Variants in SLC4A10 observed in about 807,000 individuals in gnomAD.
SLC4A10 encodes the protein sodium-driven chloride bicarbonate exchanger.
A neutral mutation model predicts 137.7 loss-of-function variants in SLC4A10; 42 were observed. The observed-to-expected ratio is 0.30, with a 90% CI of 0.24 to 0.39. The LOEUF (loss-of-function observed/expected upper bound fraction) is 0.39. Among genes scored for constraint, SLC4A10 ranks in the 10% least tolerant of loss-of-function variants. The pLI, the probability that SLC4A10 is intolerant of heterozygous loss-of-function variation, is 1.00. For missense variants in SLC4A10, 925 were observed against 1,355.0 expected, an observed-to-expected ratio of 0.68 and a Z score of 4.98; for synonymous variants, 474 against 464.1, an observed-to-expected ratio of 1.02 and a Z score of -0.27.
chr2:161,929,147 A>AT (rs968762690), intron 15 of SLC4A10, among the ~76,000 whole-genome samples: 3 of 152,230 alleles, frequency 2.0e-5, no homozygotes, highest in Non-Finnish European at 2.9e-5. Context: ...CCAAAAAAAA[A>AT]GGATGTTTGC....
intron 1 of SLC4A10, among the ~76,000 whole-genome samples, chr2:161,667,246 G>A (rs1390637756): frequency 6.6e-6 from 1 of 151,544 alleles, no homozygotes; most frequent in Non-Finnish European, 1.5e-5. Flanking sequence ...TGAATAAATT[G>A]CCTAATTTTA....
chr2:161,856,638 A>T (rs911769255), intron 5 of SLC4A10, among the ~76,000 whole-genome samples: 2 of 152,168 alleles, frequency 1.3e-5, no homozygotes, highest in African/African-American at 4.8e-5. Flanking sequence ...TTAGCTATCC[A>T]GCTCAATTTC....
chr2:161,964,105 A>G, intron 21 of SLC4A10, 30 bp from the exon 22 acceptor site: 2 of 1,546,498 alleles, frequency 1.3e-6, no homozygotes, highest in South Asian at 1.2e-5. Context: ...TCTTACACCT[A>G]AAAACAATTT....
intron 11 of SLC4A10, among the ~76,000 whole-genome samples, chr2:161,896,545 G>C (rs2063525481): frequency 6.6e-6 from 1 of 152,046 alleles, no homozygotes; most frequent in Non-Finnish European, 1.5e-5. Flanking sequence ...TCCTATCCAT[G>C]AGAGAATAAA....
At chr2:161,981,043 A>G (rs1357360979) in intron 26 of SLC4A10, among the ~76,000 whole-genome samples, 1 of 152,220 alleles carries the variant, frequency 6.6e-6, no homozygotes, top group African/African-American at 2.4e-5. Flanking sequence ...TACCAAAACT[A>G]TGGTTATGAT....
intron 1 of SLC4A10, among the ~76,000 whole-genome samples, chr2:161,699,273 G>C (rs2042888003): frequency 1.3e-5 from 2 of 152,110 alleles, no homozygotes. Flanking sequence ...GTCGGCCTCG[G>C]CCTCCCAAAG....
chr2:161,865,194 T>C (rs1216082728), intron 6 of SLC4A10, among the ~76,000 whole-genome samples: 2 of 152,082 alleles, frequency 1.3e-5, no homozygotes, highest in Non-Finnish European at 2.9e-5. Flanking sequence ...GACTACAGAA[T>C]TTATTGGAGC....
At chr2:161,860,889 G>A (rs1381065255) in intron 5 of SLC4A10, among the ~76,000 whole-genome samples, 1 of 152,272 alleles carries the variant, frequency 6.6e-6, no homozygotes, top group Non-Finnish European at 1.5e-5. Flanking sequence ...GCTAAGAATG[G>A]TGATTATATT....
At chr2:161,958,266 T>C (rs1696018069) in intron 20 of SLC4A10, among the ~76,000 whole-genome samples, 1 of 152,142 alleles carries the variant, frequency 6.6e-6, no homozygotes, top group African/African-American at 2.4e-5. Context: ...ATCATCTCCT[T>C]TTAGATATTG....
At chr2:161,944,357 A>G (rs1008218928) in intron 16 of SLC4A10, among the ~76,000 whole-genome samples, 2 of 151,898 alleles carry the variant, frequency 1.3e-5, no homozygotes, top group African/African-American at 4.8e-5. Flanking sequence ...TCTAAGTTAT[A>G]TAACATGATA....
At position 161,965,103 on chromosome 2, in the gene SLC4A10, G is replaced by A. The variant is rs1208782347; in HGVS notation, c.3089G>A (p.Arg1030Gln). 6 of 1,612,426 alleles carry A rather than the reference G, an allele frequency of 3.7e-6. No homozygotes were observed. The highest frequency in any genetic ancestry group is 2.2e-5 in the East Asian group (1 of 44,754). The change falls in exon 23 of 27, where the codon CGG (arginine) becomes CAG (glutamine). Residue 1030 changes from arginine (R) to glutamine (Q), a missense_variant. Physicochemically the swap from Arg to Gln is conservative, Grantham distance 43 (BLOSUM62 1). This residue lies in a region of SLC4A10 where 115 missense variants were observed against 237.5 expected (regional missense o/e 0.48). Transcript: ENST00000446997. ...TTGATGGACTTGTTGTTCACGAAGC[G>A]GGAACTCAGCTGGTTGGATGATTTG... The part of the protein sequence containing the change: ...RKLMDLLFTK[R>Q]ELSWLDDLMP...
intron 1 of SLC4A10, among the ~76,000 whole-genome samples, chr2:161,733,603 C>T (rs562741106): frequency 6.6e-6 from 1 of 152,250 alleles, no homozygotes; most frequent in Non-Finnish European, 1.5e-5. Flanking sequence ...CAAGTCCCTA[C>T]TGGGGCACTG....
intron 1 of SLC4A10, among the ~76,000 whole-genome samples, chr2:161,718,423 TTGATGGCAGC>T (rs1213859764): frequency 6.6e-6 from 1 of 152,124 alleles, no homozygotes; most frequent in Non-Finnish European, 1.5e-5. Flanking sequence ...TGCTAGCATT[TTGATGGCAGC>T]ATTTAGTGCT....
intron 2 of SLC4A10, among the ~76,000 whole-genome samples, chr2:161,793,653 G>T (rs536291404): frequency 6.6e-6 from 1 of 152,130 alleles, no homozygotes; most frequent in South Asian, 2.1e-4. Flanking sequence ...GATAATAAAA[G>T]AAACCAAAAT....
chr2:161,880,072 C>T (rs2061672573), intron 9 of SLC4A10, among the ~76,000 whole-genome samples: 2 of 152,084 alleles, frequency 1.3e-5, no homozygotes, highest in South Asian at 4.1e-4. Flanking sequence ...TACCCAGGAA[C>T]CTTGTTTTCT....
intron 2 of SLC4A10, among the ~76,000 whole-genome samples, chr2:161,786,617 A>G (rs2053655347): frequency 6.6e-6 from 1 of 151,426 alleles, no homozygotes; most frequent in African/African-American, 2.4e-5. Context: ...TTTATGACAT[A>G]AAAGAGTATA....
chr2:161,756,207 C>T (rs544846793), intron 1 of SLC4A10, among the ~76,000 whole-genome samples: 1 of 152,160 alleles, frequency 6.6e-6, no homozygotes, highest in South Asian at 2.1e-4. Flanking sequence ...CTTCTACATG[C>T]TTTTGTTAAA....
chr2:161,652,859 C>CTCTT (rs2036996136), intron 1 of SLC4A10, among the ~76,000 whole-genome samples: 1 of 150,902 alleles, frequency 6.6e-6, no homozygotes, highest in East Asian at 1.9e-4. Context: ...ACATTCTTTT[C>CTCTT]TTTTAAGTAT....
chr2:161,766,046 C>G (rs1436900994), intron 1 of SLC4A10, among the ~76,000 whole-genome samples: 2 of 151,962 alleles, frequency 1.3e-5, no homozygotes, highest in Admixed American at 1.3e-4. Flanking sequence ...TTTTGTTTGC[C>G]TAAAAGAGTA....
Sources: gnomAD v4.1 joint callset for allele counts (sites outside exome capture counted in the v4.1 genomes callset) on GRCh38, gnomAD v4.1.1 for gene constraint, gnomAD v4.1.1 regional missense constraint, MANE v1.5 for transcripts, NCBI Gene and HGNC (gene_info 2026-07-23, HGNC 2026-07-21) for gene names.